AEBP2: variants seen among roughly 807,000 people sequenced by gnomAD.
The protein encoded by AEBP2 is zinc finger protein AEBP2.
AEBP2 carries 10 observed loss-of-function variants against 50.8 expected under a neutral mutation model. The ratio of observed to expected loss-of-function variants is 0.20; its 90% confidence interval spans 0.12 to 0.33. The LOEUF (loss-of-function observed/expected upper bound fraction) is 0.33, where lower values mean the gene tolerates loss of function less well. Ranked by LOEUF, AEBP2 falls within the 10% of genes least tolerant of loss-of-function variation. The pLI is 1.00. For synonymous variants in AEBP2, 296 were observed against 261.3 expected (o/e 1.13, Z -1.28); for missense variants, 570 against 688.0 (o/e 0.83, Z 1.92).
chr12:19,505,706 T>C (rs1363359852), intron 5 of AEBP2, among the ~76,000 whole-genome samples: 1 of 152,164 alleles, frequency 6.6e-6, no homozygotes, highest in Non-Finnish European at 1.5e-5. Flanking sequence ...GACCTTAGCT[T>C]TTATTCTGTG....
intron 1 of AEBP2, among the ~76,000 whole-genome samples, chr12:19,407,631 G>T (rs1017711781): frequency 3.9e-5 from 6 of 152,104 alleles, no homozygotes; most frequent in African/African-American, 1.4e-4. Flanking sequence ...TAGAGACAGG[G>T]TCTTACTATG....
intron 2 of AEBP2, among the ~76,000 whole-genome samples, chr12:19,465,854 C>T (rs1948464080): frequency 1.4e-5 from 2 of 147,420 alleles, no homozygotes; most frequent in Admixed American, 6.9e-5. Flanking sequence ...TGCAGTGGCA[C>T]GACCTCAGCT....
At chr12:19,410,546 C>T (rs2153363166) in intron 1 of AEBP2, among the ~76,000 whole-genome samples, 1 of 152,286 alleles carries the variant, frequency 6.6e-6, no homozygotes, top group Non-Finnish European at 1.5e-5. Context: ...ACCCTGCGCT[C>T]TCCCTAGCTT....
In AEBP2 at chr12:19,522,139, C is replaced by T. The variant is rs1278019225; in HGVS notation, c.*4022C>T. ...ACATATTTCTCTATTCTAAAAATTA[C>T]AGAATATGTATTCATAAAAGGGAAG... On this transcript the variant is annotated 3_prime_UTR_variant, in exon 8 of 8. Coordinates refer to ENST00000266508, the MANE Select transcript of AEBP2 (RefSeq NM_153207.5). The T allele has an allele frequency of 6.6e-6, 1 of 151,604 alleles. No homozygotes were observed. Among genetic ancestry groups the T allele is most frequent in the Non-Finnish European group, 1.5e-5 (1 of 67,920 alleles). 9.4% of individuals were successfully genotyped at this position (151,604 alleles called of 1,614,324 possible). A position where few individuals can be genotyped will look rare whatever the true frequency, so the allele number is the denominator to read the frequency against.
chr12:19,503,627 G>A (rs1949114858), intron 5 of AEBP2, among the ~76,000 whole-genome samples: 1 of 151,118 alleles, frequency 6.6e-6, no homozygotes, highest in South Asian at 2.1e-4. Context: ...GCTCTGGCTA[G>A]GACTTCCAGT....
At chr12:19,496,189 G>T (rs1262977391) in intron 4 of AEBP2, among the ~76,000 whole-genome samples, 1 of 152,172 alleles carries the variant, frequency 6.6e-6, no homozygotes, top group Non-Finnish European at 1.5e-5. Flanking sequence ...GAGAGATTCA[G>T]TTAAATACCC....
At chr12:19,429,101 A>G (rs554443516) in intron 1 of AEBP2, among the ~76,000 whole-genome samples, 14 of 152,250 alleles carry the variant, frequency 9.2e-5, no homozygotes, top group African/African-American at 2.4e-4. Context: ...AACATTAGGT[A>G]TATCTCCGAA....
intron 1 of AEBP2, among the ~76,000 whole-genome samples, chr12:19,426,873 C>T (rs867993121): frequency 1.3e-5 from 2 of 152,118 alleles, no homozygotes; most frequent in African/African-American, 2.4e-5. Flanking sequence ...TGCACTTCAG[C>T]GTGGGCAACA....
intron 1 of AEBP2, chr12:19,456,987 G>A (rs1948280708): frequency 1.3e-6 from 2 of 1,583,402 alleles, no homozygotes; most frequent in Admixed American, 3.3e-5. Flanking sequence ...CCTTACAGGA[G>A]GATTTTCGTC....
intron 1 of AEBP2, among the ~76,000 whole-genome samples, chr12:19,459,744 A>T (rs1211461556): frequency 6.6e-6 from 1 of 152,164 alleles, no homozygotes; most frequent in Admixed American, 6.5e-5. Context: ...AGGCAGGTAA[A>T]TATATATTTA....
At chr12:19,462,789 C>T (rs1970034274) in intron 2 of AEBP2, 72 bp downstream of exon 2, 1 of 1,357,092 alleles carries the variant, frequency 7.4e-7, no homozygotes, top group Non-Finnish European at 9.9e-7. Context: ...GCTAGTTAGG[C>T]TTTTTTGCTG....
intron 3 of AEBP2, among the ~76,000 whole-genome samples, chr12:19,492,601 A>G (rs959253991): frequency 6.6e-6 from 1 of 151,942 alleles, no homozygotes; most frequent in Non-Finnish European, 1.5e-5. Flanking sequence ...TAAAATAAAA[A>G]AAATTTATTT....
intron 3 of AEBP2, among the ~76,000 whole-genome samples, chr12:19,491,822 T>C (rs1486401763): frequency 1.3e-5 from 2 of 152,204 alleles, no homozygotes; most frequent in East Asian, 1.9e-4. Context: ...TTCATAAATA[T>C]ACATCTCTGT....
At chr12:19,407,358 C>T (rs980095628) in intron 1 of AEBP2, among the ~76,000 whole-genome samples, 3 of 151,834 alleles carry the variant, frequency 2.0e-5, no homozygotes, top group East Asian at 3.9e-4. Context: ...GTAGCCCGGG[C>T]GCAATCTTGG....
At chr12:19,459,509 G>A (rs781596979) in intron 1 of AEBP2, among the ~76,000 whole-genome samples, 1 of 152,164 alleles carries the variant, frequency 6.6e-6, no homozygotes, top group Non-Finnish European at 1.5e-5. Context: ...GGGATTACAG[G>A]CGTGAGCCAC....
intron 1 of AEBP2, chr12:19,413,230 G>T: frequency 1.2e-6 from 1 of 837,636 alleles, no homozygotes; most frequent in Non-Finnish European, 2.1e-6. Context: ...CCCAAGTTTT[G>T]GATCAGTCGG....
chr12:19,501,055 C>T (rs1365135026), intron 5 of AEBP2, among the ~76,000 whole-genome samples: 9 of 152,114 alleles, frequency 5.9e-5, no homozygotes, highest in Admixed American at 3.3e-4. Flanking sequence ...ACAGGCCGGG[C>T]GTGGTGGCTC....
chr12:19,439,662 G>T lies in AEBP2; in HGVS notation c.-38G>T. 1 of 1,445,796 alleles carries T rather than the reference G, an allele frequency of 6.9e-7. No homozygotes were observed. The highest frequency in any genetic ancestry group is 1.9e-5 in the African/African-American group (1 of 53,650). 89.6% of individuals were successfully genotyped at this position (1,445,796 alleles called of 1,614,324 possible). The stretch of plus-strand genomic sequence containing the variant: ...GAGAGAGTCGAGAGAGGGAGGCGGC[G>T]GTGGGGAGGAGGAGGAGGAGGAGGA... On this transcript the variant is annotated 5_prime_UTR_variant, in exon 1 of 8. Transcript: ENST00000266508.
At chr12:19,420,867 A>G (rs551653241) in intron 1 of AEBP2, among the ~76,000 whole-genome samples, 1 of 152,016 alleles carries the variant, frequency 6.6e-6, no homozygotes, top group South Asian at 2.1e-4. Context: ...CCCACCCCAC[A>G]AGCAGCCTCC....
Sources: allele counts gnomAD v4.1 joint callset (sites outside exome capture counted in the v4.1 genomes callset), GRCh38; gene constraint gnomAD v4.1.1; transcripts MANE v1.5; gene names NCBI Gene and HGNC (gene_info 2026-07-23, HGNC 2026-07-21).